Variants in STK32B observed in about 807,000 individuals in gnomAD.
STK32B encodes the protein serine/threonine kinase 32B, also known as serine/threonine-protein kinase 32B.
In STK32B, 43 loss-of-function variants were observed where a neutral mutation model predicts 52.6. The observed-to-expected ratio is 0.82, with a 90% CI of 0.64 to 1.05. STK32B has a LOEUF of 1.05. STK32B is among the 50% of genes least tolerant of loss of function. STK32B has a pLI of 0.00. For synonymous variants in STK32B, 238 were observed against 204.3 expected (o/e 1.17, Z -1.41); for missense variants, 621 against 534.6 (o/e 1.16, Z -1.59).
chr4:5,156,118 A>G (rs1364206138), intron 2 of STK32B, among the ~76,000 whole-genome samples: 3 of 151,754 alleles, frequency 2.0e-5, no homozygotes, highest in African/African-American at 7.3e-5. Flanking sequence ...CTCAATGTAT[A>G]TGTATACACA....
chr4:5,401,894 G>A (rs1327343995), intron 5 of STK32B, among the ~76,000 whole-genome samples: 1 of 152,212 alleles, frequency 6.6e-6, no homozygotes, highest in Non-Finnish European at 1.5e-5. Flanking sequence ...TCTTGGCTGG[G>A]CTTGCTCCTA....
chr4:5,068,500 G>C (rs1402052766), intron 1 of STK32B, among the ~76,000 whole-genome samples: 1 of 152,168 alleles, frequency 6.6e-6, no homozygotes, highest in African/African-American at 2.4e-5. Context: ...TATACCTGGA[G>C]ATATGGGGAT....
Position 5,097,508 on chromosome 4 carries a change from GT to G in STK32B, c.53-42396del, listed in dbSNP as rs1272989062. ...CCTACTTGTTCCTTGGCAGATTTTA[GT>G]GTCTTACCAAACATCTCTCTCTCAT... On this transcript the variant is annotated intron_variant, in intron 1 of 11. Transcript: ENST00000282908. Among the ~76,000 whole-genome samples the G allele has an allele frequency of 1.3e-5, 2 of 152,118 alleles. 1 individual carries two copies. Among genetic ancestry groups the G allele is most frequent in the Non-Finnish European group, 2.9e-5 (2 of 68,028 alleles).
At chr4:5,065,175 C>T (rs1346917655) in intron 1 of STK32B, among the ~76,000 whole-genome samples, 1 of 152,096 alleles carries the variant, frequency 6.6e-6, no homozygotes, top group East Asian at 1.9e-4. Flanking sequence ...GGACCCAGAA[C>T]CTACACCAGT....
intron 4 of STK32B, among the ~76,000 whole-genome samples, chr4:5,344,811 A>G (rs1227297463): frequency 1.3e-5 from 2 of 151,968 alleles, no homozygotes; most frequent in Non-Finnish European, 2.9e-5. Context: ...GACACTTCGC[A>G]TTTCTCAAGG....
intron 1 of STK32B, among the ~76,000 whole-genome samples, chr4:5,080,873 C>A (rs1281053041): frequency 1.3e-5 from 2 of 152,126 alleles, no homozygotes; most frequent in East Asian, 3.9e-4. Flanking sequence ...ACTCTAGTCA[C>A]CATGCTGTAC....
intron 9 of STK32B, among the ~76,000 whole-genome samples, chr4:5,463,544 CCA>C (rs934550203): frequency 4.6e-5 from 7 of 152,198 alleles, no homozygotes; most frequent in African/African-American, 1.4e-4. Context: ...ACACGTGCCC[CCA>C]CACACAGTCT....
At chr4:5,025,564 T>C in the STK32B span, among the ~76,000 whole-genome samples, 1 of 152,190 alleles carries the variant, frequency 6.6e-6, no homozygotes. Flanking sequence ...TTCTACAGTG[T>C]CTCCGAAAGT....
At chr4:5,439,717 T>C (rs1338399388) in intron 6 of STK32B, among the ~76,000 whole-genome samples, 1 of 152,214 alleles carries the variant, frequency 6.6e-6, no homozygotes, top group Admixed American at 6.5e-5. Context: ...AGTTTTCTTC[T>C]AGGGTTTATA....
At chr4:5,495,042 C>A (rs576016777) in intron 11 of STK32B, among the ~76,000 whole-genome samples, 5 of 152,106 alleles carry the variant, frequency 3.3e-5, no homozygotes, top group Non-Finnish European at 2.9e-5. Context: ...GTGAATCTGA[C>A]AATTATGTGT....
intron 4 of STK32B, among the ~76,000 whole-genome samples, chr4:5,361,546 ATAG>A (rs1734550453): frequency 3.9e-5 from 6 of 152,112 alleles, no homozygotes; most frequent in African/African-American, 1.4e-4. Context: ...TAATTTTTCT[ATAG>A]AGATGGGGTC....
chr4:5,498,654 CAAGT>C (rs976504834), intron 11 of STK32B, among the ~76,000 whole-genome samples: 1 of 152,196 alleles, frequency 6.6e-6, no homozygotes, highest in African/African-American at 2.4e-5. Context: ...TATGTGATCT[CAAGT>C]AAACATCACA....
Position 5,301,584 on chromosome 4 carries a change from A to G in STK32B, c.261-29636A>G, listed in dbSNP as rs1431168932. The stretch of plus-strand genomic sequence containing the variant: ...ATAAAATTTCTTATACTGTTCTTTT[A>G]TAATCCTTTTATTTCTGTAAAGTTG... On this transcript the variant is annotated intron_variant, in intron 3 of 11. Coordinates refer to ENST00000282908, the MANE Select transcript of STK32B (RefSeq NM_018401.3). Among the ~76,000 whole-genome samples the G allele has an allele frequency of 2.0e-5, 3 of 150,028 alleles. No homozygotes were observed. In the East Asian group the frequency reaches 5.8e-4, roughly 29 times the overall value.
chr4:5,048,261 C>G (rs567400113), upstream of STK32B, among the ~76,000 whole-genome samples: 2 of 151,102 alleles, frequency 1.3e-5, no homozygotes, highest in East Asian at 1.9e-4. Context: ...TCCTGAGTAG[C>G]TGGGATTACA....
At chr4:5,277,164 C>G (rs1431938555) in intron 3 of STK32B, among the ~76,000 whole-genome samples, 2 of 152,098 alleles carry the variant, frequency 1.3e-5, no homozygotes, top group Non-Finnish European at 2.9e-5. Flanking sequence ...TATAACAAGC[C>G]TGTTTAGTTG....
intron 3 of STK32B, among the ~76,000 whole-genome samples, chr4:5,318,087 G>A (rs1171940037): frequency 1.3e-5 from 2 of 149,862 alleles, no homozygotes; most frequent in African/African-American, 2.5e-5. Context: ...GCTTGCATTT[G>A]TGTGTGCTTG....
At chr4:5,176,730 C>T (rs985444249) in intron 3 of STK32B, among the ~76,000 whole-genome samples, 1 of 152,176 alleles carries the variant, frequency 6.6e-6, no homozygotes, top group African/African-American at 2.4e-5. Flanking sequence ...AAGCATGAGT[C>T]ACTGTGCCCA....
At chr4:5,220,765 G>C (rs1219484173) in intron 3 of STK32B, among the ~76,000 whole-genome samples, 2 of 152,126 alleles carry the variant, frequency 1.3e-5, no homozygotes, top group African/African-American at 4.8e-5. Flanking sequence ...GAATTGAGTG[G>C]AGGCAGAAAG....
intron 3 of STK32B, among the ~76,000 whole-genome samples, chr4:5,293,600 C>G (rs1729019612): frequency 6.6e-6 from 1 of 152,104 alleles, no homozygotes; most frequent in Non-Finnish European, 1.5e-5. Flanking sequence ...TGAGAAGTGT[C>G]TGTTCATGTC....
Sources: allele counts gnomAD v4.1 joint callset (sites outside exome capture counted in the v4.1 genomes callset), GRCh38; gene constraint gnomAD v4.1.1; transcripts MANE v1.5; gene names NCBI Gene and HGNC (gene_info 2026-07-23, HGNC 2026-07-21).